FOXN3: variants seen among roughly 807,000 people sequenced by gnomAD.
FOXN3 encodes forkhead box N3, also known as forkhead box protein N3.
In FOXN3, 7 loss-of-function variants were observed where a neutral mutation model predicts 38.4. The ratio of observed to expected loss-of-function variants is 0.18; its 90% CI spans 0.10 to 0.34. The LOEUF (loss-of-function observed/expected upper bound fraction) is 0.34, where lower values mean the gene tolerates loss of function less well. Among genes scored for constraint, FOXN3 ranks in the 10% least tolerant of loss-of-function variants. FOXN3 has a pLI of 1.00. For missense variants in FOXN3, 456 were observed against 613.4 expected (o/e 0.74, Z 2.71); for synonymous variants, 230 against 242.2 (o/e 0.95, Z 0.47).
chr14:89,272,060 A>G (rs1886164263), intron 4 of FOXN3, among the ~76,000 whole-genome samples: 1 of 152,234 alleles, frequency 6.6e-6, no homozygotes, highest in South Asian at 2.1e-4. Flanking sequence ...CTGTAATCCC[A>G]ACACTTTGGG....
At chr14:89,377,693 G>A (rs1176710490) in intron 2 of FOXN3, among the ~76,000 whole-genome samples, 1 of 152,234 alleles carries the variant, frequency 6.6e-6, no homozygotes, top group Non-Finnish European at 1.5e-5. Context: ...AAACCTTATT[G>A]CAGAGAGAAC....
Position 89,309,289 on chromosome 14 carries a change from G to A in FOXN3, c.681-28275C>T, listed in dbSNP as rs904429678. ...TTTCCAAGCCTCCAGGAGTTGCCACGTGCCACCACTTCTCTTTACCCATCG... is the reference window on the plus strand; with the variant it reads ...TTTCCAAGCCTCCAGGAGTTGCCACATGCCACCACTTCTCTTTACCCATCG... On this transcript the variant is annotated intron_variant, in intron 3 of 5. Transcript: ENST00000557258. Among the ~76,000 whole-genome samples, 6 of 152,054 alleles carry A rather than the reference G, an allele frequency of 3.9e-5. No individual in the cohort carries two copies. The East Asian group carries it at 5.8e-4, about 15-fold the overall frequency.
chr14:89,417,747 C>T (rs916422351), upstream of FOXN3: 2 of 455,858 alleles, frequency 4.4e-6, no homozygotes, highest in East Asian at 7.0e-5. Flanking sequence ...CCTGATAGGA[C>T]CCCCAGGGCC....
chr14:89,272,953 T>C (rs908477293), intron 4 of FOXN3, among the ~76,000 whole-genome samples: 2 of 152,354 alleles, frequency 1.3e-5, no homozygotes, highest in East Asian at 3.9e-4. Context: ...TTTGCTGAAA[T>C]TGGCCTCCTA....
chr14:89,467,010 C>T (rs907322672), intron 1 of FOXN3, among the ~76,000 whole-genome samples: 4 of 152,230 alleles, frequency 2.6e-5, no homozygotes, highest in African/African-American at 9.6e-5. Flanking sequence ...GCAGCGTTAG[C>T]TTTCGTTGCT....
intron 2 of FOXN3, among the ~76,000 whole-genome samples, chr14:89,384,819 G>C (rs3783849): frequency 0.19 from 28,440 of 152,132 alleles, 2,880 homozygotes; most frequent in South Asian, 0.37. Flanking sequence ...CTTAGCTAGG[G>C]GCAGAGAAGG....
intron 1 of FOXN3, among the ~76,000 whole-genome samples, chr14:89,578,372 G>C (rs781250046): frequency 6.6e-6 from 1 of 152,070 alleles, no homozygotes; most frequent in Non-Finnish European, 1.5e-5. Flanking sequence ...AGGCACTTCT[G>C]TCTCTTCTAC....
intron 4 of FOXN3, among the ~76,000 whole-genome samples, chr14:89,240,457 C>T (rs538519950): frequency 6.6e-6 from 1 of 152,196 alleles, no homozygotes; most frequent in Admixed American, 6.5e-5. Flanking sequence ...TTGTATAATG[C>T]CCACTACCAG....
intron 3 of FOXN3, among the ~76,000 whole-genome samples, chr14:89,331,077 T>C (rs1888233870): frequency 6.6e-6 from 1 of 152,178 alleles, no homozygotes; most frequent in Non-Finnish European, 1.5e-5. Context: ...ACTTAAACAA[T>C]TTTTTAGGTG....
chr14:89,284,922 T>G (rs1886573961), intron 3 of FOXN3, among the ~76,000 whole-genome samples: 1 of 152,226 alleles, frequency 6.6e-6, no homozygotes, highest in Admixed American at 6.5e-5. Context: ...CCCTCAGTAA[T>G]TCCCGGATCC....
intron 3 of FOXN3, chr14:89,291,512 G>T: frequency 1.7e-6 from 1 of 591,352 alleles, no homozygotes; most frequent in Non-Finnish European, 3.3e-6. Flanking sequence ...ATCCCCAGGG[G>T]GCCTGTGGGA....
chr14:89,425,984 C>G (rs1892017911), intron 1 of FOXN3, among the ~76,000 whole-genome samples: 1 of 152,100 alleles, frequency 6.6e-6, no homozygotes, highest in Admixed American at 6.5e-5. Context: ...CACAGCCTTC[C>G]TGTACTTAGA....
intron 4 of FOXN3, among the ~76,000 whole-genome samples, chr14:89,214,558 A>G (rs1195960119): frequency 2.0e-5 from 3 of 152,358 alleles, no homozygotes; most frequent in Admixed American, 2.0e-4. Flanking sequence ...AGCTTTTGTA[A>G]GTCAAGTTGG....
chr14:89,435,136 C>T (rs951962842), intron 1 of FOXN3, among the ~76,000 whole-genome samples: 3 of 152,086 alleles, frequency 2.0e-5, no homozygotes, highest in Non-Finnish European at 4.4e-5. Context: ...AATCCCAATA[C>T]TTTGGGAGGC....
intron 2 of FOXN3, among the ~76,000 whole-genome samples, chr14:89,387,414 A>G (rs1890821810): frequency 6.6e-6 from 1 of 152,208 alleles, no homozygotes; most frequent in South Asian, 2.1e-4. Context: ...ATCTTTAAAC[A>G]GCCATGTGAG....
chr14:89,245,895 C>T (rs1458789642), intron 4 of FOXN3, among the ~76,000 whole-genome samples: 1 of 152,126 alleles, frequency 6.6e-6, no homozygotes, highest in Non-Finnish European at 1.5e-5. Context: ...CAACCCGCAG[C>T]CCTGTGACAC....
intron 1 of FOXN3, among the ~76,000 whole-genome samples, chr14:89,523,771 G>GC: frequency 6.6e-6 from 1 of 150,978 alleles, no homozygotes; most frequent in South Asian, 2.1e-4. Flanking sequence ...CTTTCTTTAT[G>GC]TTTTTTTTTG....
intron 2 of FOXN3, 79 bp downstream of exon 2, chr14:89,411,854 AG>A (rs1891553749): frequency 1.1e-6 from 1 of 941,082 alleles, no homozygotes; most frequent in Non-Finnish European, 1.5e-6. Flanking sequence ...TGTGGTGAAT[AG>A]AAATTCATTT....
At chr14:89,542,171 T>C (rs1894802827) in intron 1 of FOXN3, among the ~76,000 whole-genome samples, 1 of 152,226 alleles carries the variant, frequency 6.6e-6, no homozygotes, top group African/African-American at 2.4e-5. Context: ...TGGGGAGATG[T>C]GCTCTGCTAC....
Sources: allele counts gnomAD v4.1 joint callset (sites outside exome capture counted in the v4.1 genomes callset), GRCh38; gene constraint gnomAD v4.1.1; transcripts MANE v1.5; gene names NCBI Gene and HGNC (gene_info 2026-07-23, HGNC 2026-07-21).